PCNX1: variants seen among roughly 807,000 people sequenced by gnomAD.
PCNX1 encodes pecanex 1, also known as pecanex-like protein 1.
Under a neutral mutation model 242.2 loss-of-function variants are expected in PCNX1, and 78 were observed. The ratio of observed to expected loss-of-function variants is 0.32; its 90% CI spans 0.27 to 0.39. PCNX1 has a LOEUF of 0.39. PCNX1 is among the 10% of genes least tolerant of loss of function. PCNX1 has a pLI of 1.00. For missense variants in PCNX1, 2,581 were observed against 2,856.5 expected (o/e 0.90, Z 2.20); for synonymous variants, 1,024 against 1,032.9 (o/e 0.99, Z 0.17).
chr14:70,962,152 A>G, intron 2 of PCNX1, 74 bp from the exon 3 acceptor site: 2 of 944,294 alleles, frequency 2.1e-6, no homozygotes, highest in Non-Finnish European at 3.4e-6. Context: ...AGTATAACTT[A>G]AAAAATTAAC....
chr14:70,910,039 CTCCTCCTCCTCCTCCTCCTCCT>C (rs2055761144), intron 1 of PCNX1, among the ~76,000 whole-genome samples: 2 of 81,910 alleles, frequency 2.4e-5, no homozygotes, highest in Non-Finnish European at 2.5e-5. Context: ...CTCCCTCCTC[CTCCTCCTCCTCCTCCTCCTCCT>C]CCCCCTCCTC....
chr14:71,035,087 C>T (rs1215579291), intron 18 of PCNX1, among the ~76,000 whole-genome samples: 2 of 152,096 alleles, frequency 1.3e-5, no homozygotes, highest in East Asian at 1.9e-4. Context: ...TGGTGTGTGC[C>T]TGTAATTCAG....
At chr14:70,953,948 G>A (rs569168756) in intron 2 of PCNX1, among the ~76,000 whole-genome samples, 1 of 152,268 alleles carries the variant, frequency 6.6e-6, no homozygotes, top group Admixed American at 6.5e-5. Context: ...GATTACAGGC[G>A]TGATCCACGC....
intron 26 of PCNX1, among the ~76,000 whole-genome samples, chr14:71,070,285 A>G (rs2061556363): frequency 6.6e-6 from 1 of 152,144 alleles, no homozygotes; most frequent in Admixed American, 6.5e-5. Context: ...CCATGAATCA[A>G]CTTATTTCAA....
rs1329574267 is a variant in PCNX1, at chr14:70,980,311, A to G, written c.2311+1663A>G. Among the ~76,000 whole-genome samples, 9 of 151,506 alleles carry G rather than the reference A, an allele frequency of 5.9e-5. No individual in the cohort carries two copies. The East Asian group carries it at 1.5e-3, about 26-fold the overall frequency. On this transcript the variant is annotated intron_variant, in intron 6 of 35. Coordinates refer to ENST00000304743, the MANE Select transcript of PCNX1 (RefSeq NM_014982.3). ...GCTTCTCGGTGCTGTTCTTTAAGCTATATTAGCCCTTGTTTTTCTAGGCTC... is the reference window on the plus strand; with the variant it reads ...GCTTCTCGGTGCTGTTCTTTAAGCTGTATTAGCCCTTGTTTTTCTAGGCTC...
intron 2 of PCNX1, among the ~76,000 whole-genome samples, chr14:70,957,041 G>C (rs2058023986): frequency 6.6e-6 from 1 of 151,802 alleles, no homozygotes. Flanking sequence ...TGTTGCCCAG[G>C]CTGGAGTGCA....
At chr14:71,035,947 TACTG>T (rs2060519273) in intron 18 of PCNX1, 114 bp from the exon 19 acceptor site, 2 of 636,868 alleles carry the variant, frequency 3.1e-6, no homozygotes, top group East Asian at 5.6e-5. Context: ...TTTTCTTTAA[TACTG>T]ACTGAGCTAG....
chr14:70,964,577 C>T (rs1462557466), intron 3 of PCNX1, among the ~76,000 whole-genome samples: 1 of 152,142 alleles, frequency 6.6e-6, no homozygotes, highest in African/African-American at 2.4e-5. Flanking sequence ...ATCAGACCCC[C>T]AGAGAGTAAG....
intron 15 of PCNX1, 117 bp downstream of exon 15, chr14:71,026,999 A>AT (rs2060259657): frequency 3.8e-6 from 2 of 521,568 alleles, no homozygotes; most frequent in East Asian, 6.6e-5. Context: ...AATTAGAAAA[A>AT]AAAAAGACAT....
chr14:70,940,777 A>G (rs1387443708), intron 1 of PCNX1, among the ~76,000 whole-genome samples: 1 of 152,100 alleles, frequency 6.6e-6, no homozygotes, highest in Non-Finnish European at 1.5e-5. Flanking sequence ...TCAGACATAG[A>G]TTTGGTCTTT....
intron 18 of PCNX1, among the ~76,000 whole-genome samples, chr14:71,034,378 T>C (rs1204427437): frequency 6.6e-6 from 1 of 152,204 alleles, no homozygotes; most frequent in Non-Finnish European, 1.5e-5. Context: ...CATTTTGTTG[T>C]TGTTGTTCAT....
At chr14:70,961,606 G>A (rs528323392) in intron 2 of PCNX1, among the ~76,000 whole-genome samples, 2 of 152,192 alleles carry the variant, frequency 1.3e-5, no homozygotes, top group South Asian at 4.1e-4. Context: ...TTACTACATA[G>A]CATCACTTTC....
intron 19 of PCNX1, among the ~76,000 whole-genome samples, chr14:71,043,198 T>G (rs2060760530): frequency 6.6e-6 from 1 of 152,172 alleles, no homozygotes; most frequent in Admixed American, 6.5e-5. Flanking sequence ...TGTATGTAAC[T>G]TAACCCTTTT....
intron 26 of PCNX1, among the ~76,000 whole-genome samples, chr14:71,061,949 C>G (rs1214113582): frequency 1.3e-5 from 2 of 152,072 alleles, no homozygotes; most frequent in African/African-American, 4.8e-5. Context: ...CAAGAAAATT[C>G]ACAGTGAAGG....
At chr14:70,972,883 G>T (rs1339931262) in intron 5 of PCNX1, among the ~76,000 whole-genome samples, 2 of 152,134 alleles carry the variant, frequency 1.3e-5, no homozygotes, top group African/African-American at 4.8e-5. Context: ...CTAGTTACAG[G>T]TATTTCTGAA....
intron 30 of PCNX1, chr14:71,093,909 A>G (rs1370490162): frequency 2.6e-5 from 4 of 152,236 alleles, no homozygotes; most frequent in Non-Finnish European, 5.9e-5. Context: ...TTACATTATT[A>G]TAAGAATACA....
chr14:71,035,997 G>T, intron 18 of PCNX1, 68 bp from the exon 19 acceptor site: 1 of 1,031,536 alleles, frequency 9.7e-7, no homozygotes, highest in South Asian at 1.4e-5. Context: ...TTTGCCAATT[G>T]GGAATAAAGG....
At chr14:71,023,684 A>G (rs2060164614) in intron 13 of PCNX1, among the ~76,000 whole-genome samples, 1 of 152,176 alleles carries the variant, frequency 6.6e-6, no homozygotes. Flanking sequence ...CATTGAATAA[A>G]AACTTTGTTA....
chr14:70,954,346 C>T (rs1162839374), intron 2 of PCNX1, among the ~76,000 whole-genome samples: 1 of 152,092 alleles, frequency 6.6e-6, no homozygotes, highest in Non-Finnish European at 1.5e-5. Context: ...TGGGTTAAAC[C>T]TCCTACCATA....
Sources: allele counts gnomAD v4.1 joint callset (sites outside exome capture counted in the v4.1 genomes callset), GRCh38; gene constraint gnomAD v4.1.1; transcripts MANE v1.5; gene names NCBI Gene and HGNC (gene_info 2026-07-23, HGNC 2026-07-21).